Variants in FBXW7 observed in about 807,000 individuals in gnomAD.
FBXW7 encodes F-box/WD repeat-containing protein 7.
In FBXW7, 11 loss-of-function variants were observed where a neutral mutation model predicts 86.3. The ratio of observed to expected loss-of-function variants is 0.13; its 90% CI spans 0.08 to 0.21. The LOEUF (loss-of-function observed/expected upper bound fraction) is 0.21, where lower values mean the gene tolerates loss of function less well. FBXW7 is among the 10% of genes least tolerant of loss of function. The probability of loss-of-function intolerance (pLI) is 1.00; values close to 1 mark genes in which losing one functional copy is unlikely to be tolerated. For synonymous variants in FBXW7, 313 were observed against 297.9 expected (o/e 1.05, Z -0.52); for missense variants, 488 against 847.4 (o/e 0.58, Z 5.27).
At chr4:152,473,686 G>A (rs1744156885) in intron 2 of FBXW7, among the ~76,000 whole-genome samples, 1 of 151,766 alleles carries the variant, frequency 6.6e-6, no homozygotes, top group African/African-American at 2.4e-5. Flanking sequence ...GTCTTGTTAT[G>A]TTGCCCAGGC....
At chr4:152,417,930 T>A (rs1365746734) in intron 2 of FBXW7, among the ~76,000 whole-genome samples, 1 of 152,026 alleles carries the variant, frequency 6.6e-6, no homozygotes, top group Non-Finnish European at 1.5e-5. Context: ...TAGGGTGGGG[T>A]GGGAGATTCC....
intron 2 of FBXW7, among the ~76,000 whole-genome samples, chr4:152,529,809 T>C (rs1749848229): frequency 6.6e-6 from 1 of 152,028 alleles, no homozygotes; most frequent in African/African-American, 2.4e-5. Context: ...TGGGGTTACC[T>C]GGTGGGTGCT....
chr4:152,469,192 A>G (rs1243293332), intron 2 of FBXW7, among the ~76,000 whole-genome samples: 1 of 152,090 alleles, frequency 6.6e-6, no homozygotes, highest in Non-Finnish European at 1.5e-5. Flanking sequence ...AGCCTATACT[A>G]TGACACCTCA....
chr4:152,429,637 A>G (rs1739711822), intron 2 of FBXW7, among the ~76,000 whole-genome samples: 1 of 152,204 alleles, frequency 6.6e-6, no homozygotes, highest in South Asian at 2.1e-4. Context: ...TTTGGCTCAG[A>G]CATATCTGAG....
intron 7 of FBXW7, among the ~76,000 whole-genome samples, chr4:152,332,966 A>C (rs1434077771): frequency 6.6e-6 from 1 of 151,962 alleles, no homozygotes; most frequent in Non-Finnish European, 1.5e-5. Flanking sequence ...CTACTTATTA[A>C]ACCTCTCTGT....
At chr4:152,327,314 T>C (rs900768540) in intron 11 of FBXW7, among the ~76,000 whole-genome samples, 1 of 152,032 alleles carries the variant, frequency 6.6e-6, no homozygotes, top group Non-Finnish European at 1.5e-5. Flanking sequence ...ATTACAAATC[T>C]GGTGTGAAAT....
At chr4:152,398,115 A>C (rs1342679923) in intron 4 of FBXW7, among the ~76,000 whole-genome samples, 1 of 152,036 alleles carries the variant, frequency 6.6e-6, no homozygotes, top group East Asian at 1.9e-4. Flanking sequence ...ATATTATCTG[A>C]CAGTGCACAT....
chr4:152,452,654 GA>G lies in FBXW7; in HGVS notation c.-119-40126del, dbSNP rs1291000211. On this transcript the variant is annotated intron_variant, in intron 2 of 13. Coordinates refer to ENST00000281708, the MANE Select transcript of FBXW7 (RefSeq NM_001349798.2). ...AAAAAGAAAGAAGATCAGTTGTTAG[GA>G]AAAGGGAAATGTGACATTATATATG... is the stretch of plus-strand genomic sequence containing the variant. Among the ~76,000 whole-genome samples the G allele has an allele frequency of 7.9e-5, 12 of 152,162 alleles. No individual in the cohort carries two copies. The East Asian group carries it at 2.3e-3, about 29-fold the overall frequency.
intron 6 of FBXW7, among the ~76,000 whole-genome samples, chr4:152,339,282 A>AG: frequency 6.6e-6 from 1 of 152,274 alleles, no homozygotes; most frequent in East Asian, 1.9e-4. Flanking sequence ...TTTTTTGGTC[A>AG]GGGGATTTAT....
intron 9 of FBXW7, 46 bp from the exon 10 acceptor site, chr4:152,329,831 T>G (rs772511577): frequency 9.1e-7 from 1 of 1,099,912 alleles, no homozygotes; most frequent in African/African-American, 1.6e-5. Flanking sequence ...TTAAATTATG[T>G]TCTTTAAAAT....
intron 10 of FBXW7, 54 bp from the exon 11 acceptor site, chr4:152,328,443 A>G: frequency 8.5e-7 from 1 of 1,175,224 alleles, no homozygotes; most frequent in African/African-American, 1.6e-5. Context: ...AGTGATTTAA[A>G]TAAAATTTAA....
intron 6 of FBXW7, among the ~76,000 whole-genome samples, chr4:152,345,542 G>A (rs1731181691): frequency 1.3e-5 from 2 of 151,980 alleles, no homozygotes; most frequent in South Asian, 4.1e-4. Flanking sequence ...GATGCCAGCA[G>A]TGTCCTGCGC....
intron 2 of FBXW7, among the ~76,000 whole-genome samples, chr4:152,523,554 T>C (rs1353044305): frequency 6.6e-6 from 1 of 152,120 alleles, no homozygotes; most frequent in African/African-American, 2.4e-5. Flanking sequence ...ACTGAAAGTT[T>C]TGAGATAGCC....
At chr4:152,333,373 T>C (rs1729756378) in intron 7 of FBXW7, among the ~76,000 whole-genome samples, 1 of 152,148 alleles carries the variant, frequency 6.6e-6, no homozygotes, top group Non-Finnish European at 1.5e-5. Flanking sequence ...ATATTTGAGC[T>C]AAATCTTTGG....
At position 152,347,088 on chromosome 4, in the gene FBXW7, A is replaced by C; in HGVS notation, c.585-17T>G. 2 of 1,558,576 alleles carry C rather than the reference A, an allele frequency of 1.3e-6. No homozygotes were observed. Among genetic ancestry groups the C allele is most frequent in the South Asian group, 2.4e-5 (2 of 83,404 alleles). On this transcript the variant is annotated splice_polypyrimidine_tract_variant and intron_variant, in intron 5 of 13. Transcript: ENST00000281708. Reference sequence around the variant, plus strand: ...CCAGTGGTACTACAAAAAAAAAAAAAAGAGAGAGAGAAAGGATAAAAGGAA... The same window carrying C: ...CCAGTGGTACTACAAAAAAAAAAAACAGAGAGAGAGAAAGGATAAAAGGAA...
At chr4:152,484,631 C>G (rs1393244307) in intron 2 of FBXW7, among the ~76,000 whole-genome samples, 1 of 152,098 alleles carries the variant, frequency 6.6e-6, no homozygotes, top group Non-Finnish European at 1.5e-5. Context: ...ATTAAATGCT[C>G]AGACACAAAT....
At chr4:152,325,138 T>C (rs2126486068) in intron 12 of FBXW7, 1 of 152,254 alleles carries the variant, frequency 6.6e-6, no homozygotes, top group Admixed American at 6.5e-5. Context: ...TCTGAACATA[T>C]CAGAAACAGG....
chr4:152,359,219 G>A (rs1369690635), intron 4 of FBXW7, among the ~76,000 whole-genome samples: 1 of 152,178 alleles, frequency 6.6e-6, no homozygotes, highest in South Asian at 2.1e-4. Flanking sequence ...CACCTCCTAT[G>A]TCCCAATATC....
intron 2 of FBXW7, among the ~76,000 whole-genome samples, chr4:152,456,384 A>C (rs1052959369): frequency 6.7e-6 from 1 of 150,318 alleles, no homozygotes; most frequent in African/African-American, 2.4e-5. Context: ...AAAAAAAAAA[A>C]AAACAGCCAA....
Sources: gnomAD v4.1 joint callset for allele counts (sites outside exome capture counted in the v4.1 genomes callset) on GRCh38, gnomAD v4.1.1 for gene constraint, MANE v1.5 for transcripts, NCBI Gene and HGNC (gene_info 2026-07-23, HGNC 2026-07-21) for gene names.